Variants in XIRP2 observed in about 807,000 individuals in gnomAD.
XIRP2 encodes the protein xin actin binding repeat containing 2.
A neutral mutation model predicts 277.0 loss-of-function variants in XIRP2; 236 were observed. The observed-to-expected ratio is 0.85, with a 90% CI of 0.77 to 0.95. The LOEUF (loss-of-function observed/expected upper bound fraction) is 0.95, where lower values mean the gene tolerates loss of function less well. XIRP2 is among the 40% of genes least tolerant of loss of function. The pLI is 0.00. For missense variants in XIRP2, 4,640 were observed against 4,157.5 expected (o/e 1.12, Z -3.19); for synonymous variants, 1,490 against 1,416.5 (o/e 1.05, Z -1.17).
At chr2:167,253,276 C>T (rs1695567017) in intron 9 of XIRP2, among the ~76,000 whole-genome samples, 1 of 151,784 alleles carries the variant, frequency 6.6e-6, no homozygotes, top group African/African-American at 2.4e-5. Context: ...TTCATAGAGG[C>T]TAACATTTAC....
intron 2 of XIRP2, among the ~76,000 whole-genome samples, chr2:167,034,796 AT>A (rs1207629432): frequency 1.3e-5 from 2 of 152,182 alleles, no homozygotes; most frequent in Admixed American, 1.3e-4. Context: ...AGCAAATATT[AT>A]TTGTGGTAAA....
At chr2:166,945,514 G>A (rs1685834999) in intron 2 of XIRP2, among the ~76,000 whole-genome samples, 1 of 151,852 alleles carries the variant, frequency 6.6e-6, no homozygotes, top group Admixed American at 6.6e-5. Flanking sequence ...TTTTATAAAA[G>A]TAACGTATCG....
chr2:166,971,469 G>A (rs1304263745), intron 2 of XIRP2, among the ~76,000 whole-genome samples: 1 of 151,942 alleles, frequency 6.6e-6, no homozygotes, highest in African/African-American at 2.4e-5. Flanking sequence ...ATTCATTAGA[G>A]CACAACATGA....
At chr2:167,186,809 T>G (rs76380052) in intron 3 of XIRP2, among the ~76,000 whole-genome samples, 5,946 of 151,718 alleles carry the variant, frequency 0.039, 125 homozygotes, top group Non-Finnish European at 0.051. Flanking sequence ...TTCCTTGTTT[T>G]TTTTTTTTTT....
intron 2 of XIRP2, among the ~76,000 whole-genome samples, chr2:166,953,963 A>G (rs1686099776): frequency 6.6e-6 from 1 of 151,996 alleles, no homozygotes; most frequent in Admixed American, 6.6e-5. Flanking sequence ...AAGTTGAGAT[A>G]TAAAGAAATC....
intron 3 of XIRP2, among the ~76,000 whole-genome samples, chr2:167,173,796 A>C (rs1033696383): frequency 1.3e-5 from 2 of 152,154 alleles, no homozygotes; most frequent in African/African-American, 4.8e-5. Flanking sequence ...AGCCTTTATT[A>C]ATGCCTGGCT....
chr2:167,201,771 G>A (rs1288908707), intron 3 of XIRP2, among the ~76,000 whole-genome samples: 4 of 152,014 alleles, frequency 2.6e-5, no homozygotes, highest in Non-Finnish European at 4.4e-5. Flanking sequence ...GGATTTAAGT[G>A]CATATATTTT....
chr2:167,243,213 A>T lies in XIRP2; in HGVS notation c.1821A>T (p.Glu607Asp). The change falls in exon 9 of 11, where the codon GAA becomes GAT. Residue 607 changes from glutamate to aspartate, a missense_variant. Glu to Asp is a conservative substitution (Grantham distance 45). Transcript: ENST00000409195. ...TTTCCAGGGGCATTGCTGATCAAGAAATCATTGCTGGTGGTGATGTGAAAT... is the reference window on the plus strand; with the variant it reads ...TTTCCAGGGGCATTGCTGATCAAGATATCATTGCTGGTGGTGATGTGAAAT... ...GDISRGIADQ[E>D]IIAGGDVKYT... 6.2e-7 allele frequency: 1 copy of T among 1,614,122 alleles called. No individual in the cohort carries two copies. Among genetic ancestry groups the T allele is most frequent in the East Asian group, 2.2e-5 (1 of 44,854 alleles).
chr2:166,931,732 C>T (rs984489088), intron 2 of XIRP2, among the ~76,000 whole-genome samples: 2 of 152,098 alleles, frequency 1.3e-5, no homozygotes, highest in African/African-American at 4.8e-5. Flanking sequence ...AATAAAACTG[C>T]TATGAATATT....
At chr2:167,257,457 G>A (rs1264724822) in intron 10 of XIRP2, among the ~76,000 whole-genome samples, 1 of 151,852 alleles carries the variant, frequency 6.6e-6, no homozygotes, top group East Asian at 1.9e-4. Flanking sequence ...ACACCTTCCA[G>A]CTCGTTCAAA....
At chr2:167,168,095 T>A (rs933054973) in intron 3 of XIRP2, among the ~76,000 whole-genome samples, 2 of 152,196 alleles carry the variant, frequency 1.3e-5, no homozygotes, top group Admixed American at 1.3e-4. Flanking sequence ...TCAAATATAA[T>A]TCTTATCTAT....
intron 3 of XIRP2, among the ~76,000 whole-genome samples, chr2:167,196,889 C>T (rs1165861319): frequency 6.6e-6 from 1 of 152,100 alleles, no homozygotes; most frequent in Non-Finnish European, 1.5e-5. Flanking sequence ...CCTGTCTGTA[C>T]TTAGCTCACT....
In XIRP2 at chr2:167,248,422, C is replaced by A; in HGVS notation, c.7030C>A (p.Leu2344Ile). 1.9e-6 allele frequency: 3 copies of A among 1,613,750 alleles called. No homozygotes were observed. The highest frequency in any genetic ancestry group is 2.5e-6 in the Non-Finnish European group (3 of 1,179,852). The change falls in exon 9 of 11, where the codon CTC (leucine) becomes ATC (isoleucine). Residue 2344 changes from leucine to isoleucine, a missense_variant. Transcript: ENST00000409195. ...IKAEFESFPGLPLPPPPVDEK... is the reference protein window; with the variant it reads ...IKAEFESFPGIPLPPPPVDEK... Reference sequence around the variant, plus strand: ...GGCTGAATTTGAAAGTTTTCCAGGCCTCCCTCTTCCTCCACCTCCAGTAGA... The same window carrying A: ...GGCTGAATTTGAAAGTTTTCCAGGCATCCCTCTTCCTCCACCTCCAGTAGA...
chr2:167,069,331 G>A (rs941726303), intron 2 of XIRP2, among the ~76,000 whole-genome samples: 1 of 152,168 alleles, frequency 6.6e-6, no homozygotes, highest in Non-Finnish European at 1.5e-5. Flanking sequence ...TGAGGGCCAT[G>A]TGCAGTGGTG....
At chr2:167,205,610 G>A (rs1388533238) in intron 3 of XIRP2, among the ~76,000 whole-genome samples, 1 of 152,030 alleles carries the variant, frequency 6.6e-6, no homozygotes. Context: ...TTTAATATAT[G>A]AATAATTTGT....
intron 2 of XIRP2, among the ~76,000 whole-genome samples, chr2:166,958,230 G>C (rs976929558): frequency 6.6e-6 from 1 of 151,900 alleles, no homozygotes; most frequent in Non-Finnish European, 1.5e-5. Flanking sequence ...CAACAGTTGT[G>C]GGGGATGGCA....
intron 2 of XIRP2, among the ~76,000 whole-genome samples, chr2:166,987,694 C>A (rs1687042514): frequency 6.6e-6 from 1 of 152,072 alleles, no homozygotes; most frequent in Non-Finnish European, 1.5e-5. Flanking sequence ...GTTTAACATG[C>A]TTAAAAGATT....
chr2:167,201,254 GAAA>G (rs1559018416), intron 3 of XIRP2, among the ~76,000 whole-genome samples: 2 of 89,160 alleles, frequency 2.2e-5, no homozygotes, highest in East Asian at 3.7e-4. Context: ...AAGAAAGAAA[GAAA>G]GAAAGAGAGA....
chr2:166,901,124 T>A (rs1393048897), intron 1 of XIRP2, among the ~76,000 whole-genome samples: 2 of 152,118 alleles, frequency 1.3e-5, no homozygotes, highest in Admixed American at 1.3e-4. Flanking sequence ...AGAAGTGTCC[T>A]GTCTTTCTAG....
Sources: allele counts gnomAD v4.1 joint callset (sites outside exome capture counted in the v4.1 genomes callset), GRCh38; gene constraint gnomAD v4.1.1; transcripts MANE v1.5; gene names NCBI Gene and HGNC (gene_info 2026-07-23, HGNC 2026-07-21).